Variants in CDH12 observed in about 807,000 individuals in gnomAD.
The protein encoded by CDH12 is cadherin-12.
Under a neutral mutation model 74.1 loss-of-function variants are expected in CDH12, and 41 were observed. That is an observed-to-expected ratio of 0.55 (90% CI 0.43 to 0.72). CDH12 has a LOEUF of 0.72. Ranked by LOEUF, CDH12 falls within the 30% of genes least tolerant of loss-of-function variation. The pLI is 0.00. For synonymous variants in CDH12, 399 were observed against 355.0 expected (o/e 1.12, Z -1.39); for missense variants, 945 against 977.2 (o/e 0.97, Z 0.44).
At chr5:22,715,094 G>C (rs967869818) in intron 1 of CDH12, among the ~76,000 whole-genome samples, 1 of 152,090 alleles carries the variant, frequency 6.6e-6, no homozygotes, top group African/African-American at 2.4e-5. Context: ...CTGTCATCTA[G>C]AGTGCCTGAA....
intron 5 of CDH12, among the ~76,000 whole-genome samples, chr5:22,003,346 C>T (rs1580096605): frequency 6.6e-6 from 1 of 152,040 alleles, no homozygotes. Context: ...CTTGCTATTC[C>T]GTTATCAAAG....
chr5:22,352,217 T>A (rs1740384805), intron 3 of CDH12, among the ~76,000 whole-genome samples: 1 of 152,092 alleles, frequency 6.6e-6, no homozygotes, highest in Non-Finnish European at 1.5e-5. Context: ...CTAAATTATT[T>A]TATACTTGGT....
chr5:22,055,859 T>A (rs1422881830), intron 5 of CDH12, among the ~76,000 whole-genome samples: 7 of 152,116 alleles, frequency 4.6e-5, no homozygotes, highest in African/African-American at 1.7e-4. Flanking sequence ...TGGTATTTAA[T>A]CCTATCAGTG....
At chr5:21,768,230 G>A (rs1039278414) in intron 11 of CDH12, among the ~76,000 whole-genome samples, 5 of 151,622 alleles carry the variant, frequency 3.3e-5, no homozygotes, top group Non-Finnish European at 7.4e-5. Flanking sequence ...ATATTTAATA[G>A]CTAGTTACTA....
At chr5:22,585,317 G>T (rs1175599582) in intron 1 of CDH12, among the ~76,000 whole-genome samples, 1 of 152,050 alleles carries the variant, frequency 6.6e-6, no homozygotes, top group Non-Finnish European at 1.5e-5. Flanking sequence ...CTATTTAAAA[G>T]ATTTTCTTTT....
At chr5:21,844,258 A>C (rs1750034877) in intron 7 of CDH12, among the ~76,000 whole-genome samples, 1 of 152,162 alleles carries the variant, frequency 6.6e-6, no homozygotes, top group Non-Finnish European at 1.5e-5. Flanking sequence ...AACTTCTTGA[A>C]AAAGTTCTTC....
chr5:22,273,094 A>C (rs1736473909), intron 3 of CDH12, among the ~76,000 whole-genome samples: 1 of 152,120 alleles, frequency 6.6e-6, no homozygotes, highest in African/African-American at 2.4e-5. Flanking sequence ...TCCCTCCCCC[A>C]ACATGTGGGG....
intron 1 of CDH12, among the ~76,000 whole-genome samples, chr5:22,729,915 A>G (rs1744347529): frequency 6.6e-6 from 1 of 151,828 alleles, no homozygotes. Context: ...TTGAATTATT[A>G]TGAGGATTAA....
At chr5:21,870,329 C>T (rs1751553204) in intron 6 of CDH12, among the ~76,000 whole-genome samples, 1 of 152,088 alleles carries the variant, frequency 6.6e-6, no homozygotes, top group South Asian at 2.1e-4. Flanking sequence ...GCATGTGAGT[C>T]AGTGGACTGA....
chr5:22,342,200 G>A (rs371641192), intron 3 of CDH12, among the ~76,000 whole-genome samples: 1 of 152,144 alleles, frequency 6.6e-6, no homozygotes, highest in East Asian at 1.9e-4. Context: ...TCCCACTTCC[G>A]AATACCATCA....
At chr5:21,871,675 C>A (rs190243593) in intron 6 of CDH12, among the ~76,000 whole-genome samples, 2 of 151,986 alleles carry the variant, frequency 1.3e-5, no homozygotes, top group Admixed American at 6.6e-5. Context: ...TGCAATGAGC[C>A]GAGATTGCAC....
At chr5:22,701,232 C>T (rs529074238) in intron 1 of CDH12, among the ~76,000 whole-genome samples, 97 of 152,176 alleles carry the variant, frequency 6.4e-4, no homozygotes, top group Middle Eastern at 3.4e-3. Flanking sequence ...AACAATTAAT[C>T]TACTATTACT....
intron 4 of CDH12, among the ~76,000 whole-genome samples, chr5:22,113,075 G>C (rs1580269191): frequency 2.0e-5 from 3 of 152,220 alleles, no homozygotes; most frequent in Non-Finnish European, 4.4e-5. Context: ...GGGGAGTCAT[G>C]CCCTACAAAT....
At chr5:22,140,512 C>T (rs997396892) in intron 4 of CDH12, among the ~76,000 whole-genome samples, 4 of 152,010 alleles carry the variant, frequency 2.6e-5, no homozygotes, top group African/African-American at 9.7e-5. Flanking sequence ...TCACAACTGC[C>T]TCTGTGCATG....
At chr5:22,139,754 T>G (rs183845053) in intron 4 of CDH12, among the ~76,000 whole-genome samples, 1 of 151,994 alleles carries the variant, frequency 6.6e-6, no homozygotes, top group African/African-American at 2.4e-5. Context: ...GTATCCAACT[T>G]CCCTATCTTC....
intron 1 of CDH12, among the ~76,000 whole-genome samples, chr5:22,559,053 C>A (rs1580764231): frequency 1.3e-5 from 2 of 152,056 alleles, no homozygotes; most frequent in South Asian, 2.1e-4. Context: ...CTCCTTACCA[C>A]CCGTTTACAC....
rs915498494 is a variant in CDH12 at position 22,155,525 on chromosome 5, G to C, written c.-187+56973C>G. On this transcript the variant is annotated intron_variant, in intron 4 of 14. Coordinates refer to ENST00000382254, the MANE Select transcript of CDH12 (RefSeq NM_004061.5). ...CTACCTAATTACAATATTAGATAAA[G>C]AAGAACAATTAAGCCTAGTCTATAT... Among the ~76,000 whole-genome samples the C allele has an allele frequency of 2.0e-5, 3 of 152,066 alleles. No homozygotes were observed. The East Asian group carries it at 5.8e-4, about 29-fold the overall frequency.
intron 1 of CDH12, among the ~76,000 whole-genome samples, chr5:22,546,614 T>C (rs950780273): frequency 6.6e-6 from 1 of 152,156 alleles, no homozygotes; most frequent in Middle Eastern, 3.2e-3. Flanking sequence ...ACACTATAAA[T>C]CATAGAGCAC....
intron 3 of CDH12, among the ~76,000 whole-genome samples, chr5:22,252,016 A>G (rs1173719704): frequency 6.6e-6 from 1 of 152,034 alleles, no homozygotes; most frequent in East Asian, 1.9e-4. Context: ...ATTACTGTTC[A>G]TATTTTTTCT....
Sources: gnomAD v4.1 joint callset for allele counts (sites outside exome capture counted in the v4.1 genomes callset) on GRCh38, gnomAD v4.1.1 for gene constraint, MANE v1.5 for transcripts, NCBI Gene and HGNC (gene_info 2026-07-23, HGNC 2026-07-21) for gene names.